TCF20: variants seen among roughly 807,000 people sequenced by gnomAD.
TCF20 encodes the protein transcription factor 20.
In TCF20, 3 loss-of-function variants were observed where a neutral mutation model predicts 148.6. The ratio of observed to expected loss-of-function variants is 0.02; its 90% CI spans 0.01 to 0.05. The LOEUF (loss-of-function observed/expected upper bound fraction) is 0.05, where lower values mean the gene tolerates loss of function less well. Ranked by LOEUF, TCF20 falls within the 10% of genes least tolerant of loss-of-function variation. TCF20 has a pLI of 1.00. For missense variants in TCF20, 2,350 were observed against 2,429.3 expected, an observed-to-expected ratio of 0.97 and a Z score of 0.69; for synonymous variants, 1,049 against 909.5, an observed-to-expected ratio of 1.15 and a Z score of -2.76.
intron 1 of TCF20, among the ~76,000 whole-genome samples, chr22:42,303,403 A>G (rs1010378646): frequency 6.6e-6 from 1 of 152,262 alleles, no homozygotes; most frequent in African/African-American, 2.4e-5. Context: ...GAAACGGCTC[A>G]TCCTAGTGGA....
intron 1 of TCF20, among the ~76,000 whole-genome samples, chr22:42,325,701 C>G (rs1360716133): frequency 6.6e-6 from 1 of 152,176 alleles, no homozygotes; most frequent in African/African-American, 2.4e-5. Context: ...CACCCAAGGA[C>G]GGCACCCTGA....
chr22:42,217,549 GTAAT>G (rs1179709708), intron 1 of TCF20, among the ~76,000 whole-genome samples: 3 of 152,322 alleles, frequency 2.0e-5, no homozygotes, highest in Admixed American at 6.5e-5. Flanking sequence ...GTTCCTTGCT[GTAAT>G]CCTCACGTCA....
At chr22:42,325,691 CA>C (rs1233590848) in intron 1 of TCF20, among the ~76,000 whole-genome samples, 1 of 152,184 alleles carries the variant, frequency 6.6e-6, no homozygotes, top group Non-Finnish European at 1.5e-5. Flanking sequence ...AGCTGGGCCG[CA>C]CCCAAGGACG....
In TCF20 at chr22:42,290,086, G is replaced by A. The variant is rs537554218; in HGVS notation, c.-37+53393C>T. ...GCCGCACGCATGCGCCCCCTGCACCGCCGGCTGCTGCTTGGGGAGCGGGGG... is the reference window on the plus strand; with the variant it reads ...GCCGCACGCATGCGCCCCCTGCACCACCGGCTGCTGCTTGGGGAGCGGGGG... On this transcript the variant is annotated intron_variant, in intron 1 of 1. Transcript: ENST00000515426. This position sits in a 1 kb window ranked among gnomAD's most constrained non-coding sequence, Gnocchi z 4.2. Among the ~76,000 whole-genome samples the A allele has an allele frequency of 2.0e-5, 3 of 152,322 alleles. No homozygotes were observed. The highest frequency in any genetic ancestry group is 2.1e-4 in the South Asian group (1 of 4,832).
intron 2 of TCF20, among the ~76,000 whole-genome samples, chr22:42,184,169 C>T (rs763107197): frequency 6.6e-6 from 1 of 152,112 alleles, no homozygotes; most frequent in Non-Finnish European, 1.5e-5. Context: ...AAAGAAGGAA[C>T]TCTGGGTCTG....
chr22:42,294,343 G>A (rs762255028), intron 1 of TCF20, among the ~76,000 whole-genome samples: 1 of 152,222 alleles, frequency 6.6e-6, no homozygotes, highest in African/African-American at 2.4e-5. Flanking sequence ...CTCCCAGCCT[G>A]ACAAAATAAC....
chr22:42,180,997 C>G (rs1441138052), intron 2 of TCF20, among the ~76,000 whole-genome samples: 1 of 152,200 alleles, frequency 6.6e-6, no homozygotes, highest in Admixed American at 6.5e-5. Flanking sequence ...TGCCCTCGCA[C>G]CCTTGTTAAG....
intron 1 of TCF20, among the ~76,000 whole-genome samples, chr22:42,304,077 G>C (rs1285653500): frequency 6.6e-6 from 1 of 151,816 alleles, no homozygotes; most frequent in African/African-American, 2.4e-5. Context: ...CCCAAAGGTA[G>C]CGTCCTTTGA....
At chr22:42,324,091 ATGGAGGTTATGGTGGTGGTGGTGG>A (rs1569209873) in intron 1 of TCF20, among the ~76,000 whole-genome samples, 3 of 1,718 alleles carry the variant, frequency 1.7e-3, no homozygotes, top group African/African-American at 4.4e-3. Context: ...GGTGGTGGTG[ATGGAGGTTATGGTGGTGGTGGTGG>A]TGGTGGTTAT....
At chr22:42,272,882 C>T (rs1926673857), upstream of TCF20, among the ~76,000 whole-genome samples, 1 of 152,168 alleles carries the variant, frequency 6.6e-6, no homozygotes, top group Admixed American at 6.5e-5. Flanking sequence ...TCTCACTGGG[C>T]CGGGTGTGGT....
At chr22:42,199,309 C>T (rs1937818287) in intron 2 of TCF20, among the ~76,000 whole-genome samples, 1 of 152,146 alleles carries the variant, frequency 6.6e-6, no homozygotes, top group Admixed American at 6.5e-5. Context: ...TCCCATGTTT[C>T]TTGCTCCTTC....
chr22:42,179,490 CAAAA>C (rs57857271), intron 3 of TCF20, 115 bp downstream of exon 3: 3,015 of 367,992 alleles, frequency 8.2e-3, no homozygotes, highest in South Asian at 0.013. Flanking sequence ...TATGAAGTGA[CAAAA>C]AAAAAAAAAA....
intron 1 of TCF20, among the ~76,000 whole-genome samples, chr22:42,255,346 G>A (rs1293518719): frequency 2.6e-5 from 4 of 152,102 alleles, no homozygotes; most frequent in Admixed American, 6.5e-5. Context: ...AAAAGTAGCC[G>A]GGCTTGGTGG....
intron 1 of TCF20, among the ~76,000 whole-genome samples, chr22:42,227,673 C>T (rs1923037988): frequency 6.6e-6 from 1 of 152,184 alleles, no homozygotes; most frequent in South Asian, 2.1e-4. Context: ...TGGAATAGTT[C>T]CCTTTTCTCT....
At chr22:42,161,409 C>T in intron 5 of TCF20, 51 bp from the exon 6 acceptor site, 2 of 1,612,826 alleles carry the variant, frequency 1.2e-6, no homozygotes, top group South Asian at 2.2e-5. Flanking sequence ...ACAGGGTCCA[C>T]CACCAACAGC....
chr22:42,173,906 C>T lies in TCF20; in HGVS notation c.5750-4010G>A, dbSNP rs899588706. On this transcript the variant is annotated intron_variant, in intron 3 of 5. Transcript: ENST00000677622. ...CCAGACCCCTCTGTCTTGCTGGACA[C>T]GCGGCCACCAACTTCTGTTAAATAG... 3.7e-4 allele frequency among the ~76,000 whole-genome samples: 56 copies of T among 152,302 alleles called. 1 individual carries two copies. Among genetic ancestry groups the T allele is most frequent in the Admixed American group, 2.8e-3 (43 of 15,296 alleles).
At chr22:42,337,143 A>C (rs531102604) in intron 1 of TCF20, among the ~76,000 whole-genome samples, 1 of 152,120 alleles carries the variant, frequency 6.6e-6, no homozygotes, top group African/African-American at 2.4e-5. Context: ...TGGGCCCTCC[A>C]GATGCTGCTG....
chr22:42,282,540 G>A (rs1418392139), intron 1 of TCF20, among the ~76,000 whole-genome samples: 2 of 152,224 alleles, frequency 1.3e-5, no homozygotes, highest in African/African-American at 2.4e-5. Flanking sequence ...CCTGGCCTTC[G>A]TTCTGCAAAG....
chr22:42,203,598 A>G (rs1015086703), intron 2 of TCF20, among the ~76,000 whole-genome samples: 1 of 152,214 alleles, frequency 6.6e-6, no homozygotes, highest in Non-Finnish European at 1.5e-5. Flanking sequence ...ATATAAAAAG[A>G]TATACCACAC....
Sources: allele counts gnomAD v4.1 joint callset (sites outside exome capture counted in the v4.1 genomes callset), GRCh38; gene constraint gnomAD v4.1.1; non-coding constraint Gnocchi (gnomAD v3.1); transcripts MANE v1.5; gene names NCBI Gene and HGNC (gene_info 2026-07-23, HGNC 2026-07-21).